ACOXL: variants seen among roughly 807,000 people sequenced by gnomAD.
The protein encoded by ACOXL is acyl-CoA oxidase like, also known as acyl-coenzyme A oxidase-like protein.
Under a neutral mutation model 71.9 loss-of-function variants are expected in ACOXL, and 70 were observed. The observed-to-expected ratio is 0.97, with a 90% CI of 0.80 to 1.19. ACOXL has a LOEUF of 1.19. Ranked by LOEUF, ACOXL falls within the 50% of genes most tolerant of loss-of-function variation. The pLI is 0.00. For synonymous variants in ACOXL, 253 were observed against 281.6 expected (o/e 0.90, Z 1.02); for missense variants, 703 against 736.3 (o/e 0.95, Z 0.52).
intron 14 of ACOXL, among the ~76,000 whole-genome samples, chr2:111,017,688 C>CT (rs1014308359): frequency 4.6e-5 from 7 of 152,272 alleles, no homozygotes; most frequent in African/African-American, 1.7e-4. Context: ...AGCTTCGTGG[C>CT]TTAGCGGTGG....
At chr2:110,811,977 CGTTT>C (rs1340104079) in intron 9 of ACOXL, among the ~76,000 whole-genome samples, 1 of 152,062 alleles carries the variant, frequency 6.6e-6, no homozygotes, top group African/African-American at 2.4e-5. Context: ...GTTTTCTTTG[CGTTT>C]ATTTACTTTC....
chr2:110,922,076 A>G (rs2060099063), intron 11 of ACOXL, among the ~76,000 whole-genome samples: 1 of 152,232 alleles, frequency 6.6e-6, no homozygotes, highest in Non-Finnish European at 1.5e-5. Context: ...CAGATCATAT[A>G]TATCATTATT....
At chr2:110,962,944 G>T (rs1205512313) in intron 12 of ACOXL, among the ~76,000 whole-genome samples, 1 of 152,186 alleles carries the variant, frequency 6.6e-6, no homozygotes, top group African/African-American at 2.4e-5. Context: ...CTCAGAAGGG[G>T]AAGGACCTGG....
intron 13 of ACOXL, among the ~76,000 whole-genome samples, chr2:110,995,645 G>A (rs767104675): frequency 6.6e-6 from 1 of 151,664 alleles, no homozygotes; most frequent in Non-Finnish European, 1.5e-5. Flanking sequence ...ACAATAGTAA[G>A]TGGAACAATT....
At chr2:110,848,182 A>G (rs1692149881) in intron 10 of ACOXL, among the ~76,000 whole-genome samples, 1 of 152,212 alleles carries the variant, frequency 6.6e-6, no homozygotes, top group African/African-American at 2.4e-5. Context: ...GAGACAGCTG[A>G]GGAGACCGTT....
intron 11 of ACOXL, among the ~76,000 whole-genome samples, chr2:110,922,847 A>T (rs2060129888): frequency 6.6e-6 from 1 of 152,198 alleles, no homozygotes; most frequent in African/African-American, 2.4e-5. Flanking sequence ...TGTGCCATTC[A>T]TGAATGCCGC....
chr2:110,940,413 A>C (rs1479473602), intron 12 of ACOXL, among the ~76,000 whole-genome samples: 2 of 152,336 alleles, frequency 1.3e-5, no homozygotes, highest in Non-Finnish European at 1.5e-5. Flanking sequence ...AGACCAAAAT[A>C]TGATCATTTA....
chr2:110,789,919 A>G (rs1350626605), intron 3 of ACOXL, among the ~76,000 whole-genome samples: 2 of 152,232 alleles, frequency 1.3e-5, no homozygotes, highest in Non-Finnish European at 2.9e-5. Flanking sequence ...CTTCCTGCCC[A>G]TGGGACAGAC....
chr2:110,873,514 T>G (rs1238644424), intron 10 of ACOXL, among the ~76,000 whole-genome samples: 2 of 152,156 alleles, frequency 1.3e-5, no homozygotes, highest in East Asian at 3.9e-4. Context: ...AGCAACCCTG[T>G]GGCAGAGGTA....
At chr2:111,114,443 G>A (rs532590569) in intron 17 of ACOXL, 3 of 152,180 alleles carry the variant, frequency 2.0e-5, no homozygotes, top group Non-Finnish European at 4.4e-5. Flanking sequence ...CAGATTAAAG[G>A]GATGGAGAAA....
chr2:111,068,424 AG>A (rs2067178396), intron 16 of ACOXL, among the ~76,000 whole-genome samples: 1 of 152,202 alleles, frequency 6.6e-6, no homozygotes, highest in Admixed American at 6.5e-5. Context: ...ACAGGTATAA[AG>A]GAAACCCAGG....
At chr2:110,744,162 A>C (rs1454132046) in intron 1 of ACOXL, among the ~76,000 whole-genome samples, 1 of 152,192 alleles carries the variant, frequency 6.6e-6, no homozygotes, top group Non-Finnish European at 1.5e-5. Context: ...AAACGAGGGA[A>C]AGAGTGCAAG....
intron 9 of ACOXL, among the ~76,000 whole-genome samples, chr2:110,832,544 C>CAA (rs769471148): frequency 1.2e-3 from 52 of 43,900 alleles, no homozygotes; most frequent in Admixed American, 1.3e-3. Context: ...GACTCCATCT[C>CAA]AAAAAAAAAA....
rs79882282 is a variant in ACOXL at position 110,964,094 on chromosome 2, C to T, written c.1060-23014C>T. Among the ~76,000 whole-genome samples the T allele has an allele frequency of 8.1e-3, 1,235 of 152,292 alleles. 15 individuals are homozygous for T. Among genetic ancestry groups the T allele is most frequent in the African/African-American group, 0.029 (1,191 of 41,542 alleles). On this transcript the variant is annotated intron_variant, in intron 12 of 17. Coordinates refer to ENST00000439055, the MANE Select transcript of ACOXL (RefSeq NM_001142807.4). ...GCATATTAGACTATTCGGCAATACT[C>T]TTTTCCTTTCTCAATCCAATCGGCT...
intron 9 of ACOXL, among the ~76,000 whole-genome samples, chr2:110,835,407 A>G (rs1279071686): frequency 1.3e-5 from 2 of 152,152 alleles, no homozygotes; most frequent in Non-Finnish European, 2.9e-5. Flanking sequence ...AGAAAGGAAC[A>G]CAGAAAGGGG....
chr2:111,012,020 T>C (rs975923426), intron 14 of ACOXL, among the ~76,000 whole-genome samples: 27 of 148,702 alleles, frequency 1.8e-4, no homozygotes, highest in Non-Finnish European at 3.7e-4. Flanking sequence ...TAAAAATACA[T>C]GAAACAGAAA....
chr2:111,097,318 T>C (rs995278475), intron 17 of ACOXL, among the ~76,000 whole-genome samples: 3 of 152,078 alleles, frequency 2.0e-5, no homozygotes, highest in Non-Finnish European at 4.4e-5. Context: ...CGGTGAAAAA[T>C]TTTCATTACT....
At chr2:110,973,873 C>G (rs2062326677) in intron 12 of ACOXL, among the ~76,000 whole-genome samples, 3 of 152,352 alleles carry the variant, frequency 2.0e-5, no homozygotes, top group Admixed American at 6.5e-5. Flanking sequence ...ACTTAACAGC[C>G]TGGCCAGGCA....
chr2:110,922,366 A>G (rs1033916539), intron 11 of ACOXL, among the ~76,000 whole-genome samples: 6 of 152,228 alleles, frequency 3.9e-5, no homozygotes, highest in African/African-American at 1.2e-4. Flanking sequence ...AATTTTTCAT[A>G]TGCATGCCAA....
Sources: allele counts gnomAD v4.1 joint callset (sites outside exome capture counted in the v4.1 genomes callset), GRCh38; gene constraint gnomAD v4.1.1; transcripts MANE v1.5; gene names NCBI Gene and HGNC (gene_info 2026-07-23, HGNC 2026-07-21).